The following MIPOL1 variants were observed in gnomAD, a reference collection of about 807,000 sequenced individuals.
MIPOL1 encodes mirror-image polydactyly gene 1 protein.
In MIPOL1, 57 loss-of-function variants were observed where a neutral mutation model predicts 60.9. The observed-to-expected ratio is 0.94, with a 90% confidence interval of 0.76 to 1.17. The LOEUF (loss-of-function observed/expected upper bound fraction) is 1.17, where lower values mean the gene tolerates loss of function less well. Ranked by LOEUF, MIPOL1 falls within the 50% of genes most tolerant of loss-of-function variation. The pLI is 0.00. For missense variants in MIPOL1, 551 were observed against 511.6 expected (o/e 1.08, Z -0.74); for synonymous variants, 179 against 168.8 (o/e 1.06, Z -0.47).
chr14:37,423,040 T>C, intron 11 of MIPOL1, 91 bp downstream of exon 11: 1 of 749,944 alleles, frequency 1.3e-6, no homozygotes. Context: ...AGGAAATACC[T>C]CAATGAAATT....
At chr14:37,251,766 T>C (rs1341484972) in intron 3 of MIPOL1, among the ~76,000 whole-genome samples, 2 of 152,014 alleles carry the variant, frequency 1.3e-5, no homozygotes, top group East Asian at 1.9e-4. Context: ...TTAATGTTTA[T>C]TTTTATTAGC....
At chr14:37,245,982 T>C (rs1973138592) in intron 1 of MIPOL1, among the ~76,000 whole-genome samples, 1 of 152,158 alleles carries the variant, frequency 6.6e-6, no homozygotes, top group Non-Finnish European at 1.5e-5. Context: ...CATTTTTGTG[T>C]AGTACTTGTT....
chr14:37,503,060 G>C (rs1378158912), intron 12 of MIPOL1: 1 of 152,064 alleles, frequency 6.6e-6, no homozygotes, highest in African/African-American at 2.4e-5. Context: ...AAGTGAGAAG[G>C]CAAGATTAGA....
In MIPOL1 at chr14:37,316,341, T is replaced by C. The variant is rs188226292; in HGVS notation, c.828+7822T>C. ...CCACCATGCCCAGCCAGAAATTGTT[T>C]CTAAAAGATGAGCGTAGTCAGTTCC... is the stretch of plus-strand genomic sequence containing the variant. On this transcript the variant is annotated intron_variant, in intron 9 of 12. Coordinates refer to ENST00000684589, the MANE Select transcript of MIPOL1 (RefSeq NM_001388067.1). Among the ~76,000 whole-genome samples, 98 of 152,144 alleles carry C rather than the reference T, an allele frequency of 6.4e-4. 1 individual carries two copies. The highest frequency in any genetic ancestry group is 1.1e-3 in the Admixed American group (17 of 15,268).
At chr14:37,300,235 G>GGAGGTT (rs1348753655) in intron 7 of MIPOL1, among the ~76,000 whole-genome samples, 2 of 148,992 alleles carry the variant, frequency 1.3e-5, no homozygotes, top group Non-Finnish European at 3.0e-5. Context: ...AATGAAGATG[G>GGAGGTT]GAGGTTGTTG....
intron 11 of MIPOL1, among the ~76,000 whole-genome samples, chr14:37,494,692 A>C (rs1368955087): frequency 6.6e-6 from 1 of 152,216 alleles, no homozygotes; most frequent in African/African-American, 2.4e-5. Flanking sequence ...TCAGTAAAAA[A>C]AGGAATATTA....
At chr14:37,507,356 A>G (rs2095286946) in intron 12 of MIPOL1, 1 of 152,230 alleles carries the variant, frequency 6.6e-6, no homozygotes, top group Admixed American at 6.5e-5. Flanking sequence ...GAACCACCCA[A>G]GTGCCCATCA....
intron 1 of MIPOL1, among the ~76,000 whole-genome samples, chr14:37,199,247 G>T (rs1410530196): frequency 6.6e-6 from 1 of 152,090 alleles, no homozygotes; most frequent in Non-Finnish European, 1.5e-5. Context: ...ATTGCATCCC[G>T]GAAGCCCCAC....
chr14:37,541,902 G>A (rs1172726884), intron 12 of MIPOL1, among the ~76,000 whole-genome samples: 1 of 152,104 alleles, frequency 6.6e-6, no homozygotes, highest in Non-Finnish European at 1.5e-5. Flanking sequence ...GCATGTTTCT[G>A]TTTCTTTAGA....
At chr14:37,337,604 G>A (rs2090267380) in intron 9 of MIPOL1, among the ~76,000 whole-genome samples, 1 of 151,174 alleles carries the variant, frequency 6.6e-6, no homozygotes, top group African/African-American at 2.4e-5. Flanking sequence ...TCCTGACCTC[G>A]TGATCTGCCT....
intron 12 of MIPOL1, among the ~76,000 whole-genome samples, chr14:37,521,184 G>T (rs1176473239): frequency 6.6e-6 from 1 of 151,768 alleles, no homozygotes; most frequent in East Asian, 1.9e-4. Flanking sequence ...TGATCCACCC[G>T]CCTCAGTCTC....
chr14:37,248,057 A>T (rs1042604212), intron 3 of MIPOL1, 150 bp downstream of exon 3: 4 of 657,202 alleles, frequency 6.1e-6, no homozygotes, highest in African/African-American at 5.7e-5. Context: ...AGACCCAGGG[A>T]TTATGAAAGA....
At chr14:37,356,882 T>G (rs973729650) in intron 9 of MIPOL1, among the ~76,000 whole-genome samples, 1 of 152,208 alleles carries the variant, frequency 6.6e-6, no homozygotes, top group Non-Finnish European at 1.5e-5. Context: ...TCGGCCACGC[T>G]GGGAGCTGTA....
At chr14:37,551,346 A>C (rs1566808586), downstream of MIPOL1, 1 of 152,180 alleles carries the variant, frequency 6.6e-6, no homozygotes, top group South Asian at 2.1e-4. Flanking sequence ...GATATGCACT[A>C]TAAAATATAT....
In MIPOL1 at chr14:37,205,063, G is replaced by C. The variant is rs113890410; in HGVS notation, c.-199+6959G>C. ...CTGCCCCAGAGATTTGTCGAACTTTGAACTTGAGAGAGATGATTTAAGATA... is the reference window on the plus strand; with the variant it reads ...CTGCCCCAGAGATTTGTCGAACTTTCAACTTGAGAGAGATGATTTAAGATA... On this transcript the variant is annotated intron_variant, in intron 1 of 12. Transcript: ENST00000684589. 5.6e-3 allele frequency among the ~76,000 whole-genome samples: 855 copies of C among 152,080 alleles called. 5 individuals carry two copies. The highest frequency in any genetic ancestry group is 0.02 in the African/African-American group (809 of 41,486).
chr14:37,533,754 T>C (rs916401829), intron 12 of MIPOL1, among the ~76,000 whole-genome samples: 1 of 152,210 alleles, frequency 6.6e-6, no homozygotes, highest in Non-Finnish European at 1.5e-5. Context: ...CTACATTCTG[T>C]CACATGCCTG....
chr14:37,387,410 G>T (rs562728239), intron 10 of MIPOL1, among the ~76,000 whole-genome samples: 3 of 151,852 alleles, frequency 2.0e-5, no homozygotes, highest in Admixed American at 6.6e-5. Flanking sequence ...TTTATTTCAA[G>T]TGTTCCATTT....
intron 3 of MIPOL1, among the ~76,000 whole-genome samples, chr14:37,256,829 T>A (rs899538145): frequency 5.9e-5 from 9 of 151,938 alleles, no homozygotes; most frequent in Non-Finnish European, 1.0e-4. Flanking sequence ...ATTATTTTTT[T>A]AAAAAGTCTC....
intron 1 of MIPOL1, among the ~76,000 whole-genome samples, chr14:37,212,818 G>T (rs1402434903): frequency 6.6e-6 from 1 of 152,150 alleles, no homozygotes; most frequent in African/African-American, 2.4e-5. Context: ...AGTGGTGGTG[G>T]CCACAGGGAT....
Sources: gnomAD v4.1 joint callset for allele counts (sites outside exome capture counted in the v4.1 genomes callset) on GRCh38, gnomAD v4.1.1 for gene constraint, MANE v1.5 for transcripts, NCBI Gene and HGNC (gene_info 2026-07-23, HGNC 2026-07-21) for gene names.